NRXN1: variants seen among roughly 807,000 people sequenced by gnomAD.
NRXN1 encodes the protein neurexin 1.
NRXN1 carries 39 observed loss-of-function variants against 150.9 expected under a neutral mutation model. That is an observed-to-expected ratio of 0.26 (90% CI 0.20 to 0.34). The LOEUF (loss-of-function observed/expected upper bound fraction) is 0.34. Ranked by LOEUF, NRXN1 falls within the 10% of genes least tolerant of loss-of-function variation. The probability of loss-of-function intolerance (pLI) is 1.00; values close to 1 mark genes in which losing one functional copy is unlikely to be tolerated. For synonymous variants in NRXN1, 924 were observed against 757.0 expected, an observed-to-expected ratio of 1.22 and a Z score of -3.62; for missense variants, 1,815 against 1,949.9, an observed-to-expected ratio of 0.93 and a Z score of 1.30.
At chr2:50,274,326 C>A (rs948616017) in intron 17 of NRXN1, among the ~76,000 whole-genome samples, 1 of 152,112 alleles carries the variant, frequency 6.6e-6, no homozygotes, top group African/African-American at 2.4e-5. Context: ...TGTTCTCACT[C>A]TTAAGTGGGA....
chr2:49,934,995 A>T (rs577322078), intron 22 of NRXN1, among the ~76,000 whole-genome samples: 1 of 152,308 alleles, frequency 6.6e-6, no homozygotes, highest in South Asian at 2.1e-4. Context: ...TAGATGCTGA[A>T]GTATCCATCA....
chr2:50,785,049 C>T (rs1019702696), intron 5 of NRXN1, among the ~76,000 whole-genome samples: 2 of 151,928 alleles, frequency 1.3e-5, no homozygotes, highest in Admixed American at 1.3e-4. Flanking sequence ...ACCCTAATCC[C>T]ACAGAATGTG....
chr2:50,651,471 T>TG (rs1390602908), intron 5 of NRXN1, among the ~76,000 whole-genome samples: 4 of 141,228 alleles, frequency 2.8e-5, no homozygotes, highest in African/African-American at 9.1e-5. Context: ...TAACATAACG[T>TG]AACATGACAT....
chr2:50,188,857 T>A (rs2061258965), intron 18 of NRXN1, among the ~76,000 whole-genome samples: 1 of 152,152 alleles, frequency 6.6e-6, no homozygotes, highest in South Asian at 2.1e-4. Context: ...CATTGAAAAG[T>A]CAGCAAACAA....
At position 50,347,054 on chromosome 2, in the gene NRXN1, C is replaced by A. The variant is rs1381494971; in HGVS notation, c.3365-110084G>T. Reference sequence around the variant, plus strand: ...GGCGGCGCGGAGTGGGCTGAGGGGCCGGCCGCCTCACCGCGCCAGGGCACC... The same window carrying A: ...GGCGGCGCGGAGTGGGCTGAGGGGCAGGCCGCCTCACCGCGCCAGGGCACC... On this transcript the variant is annotated intron_variant, in intron 17 of 22. Transcript: ENST00000401669. The surrounding 1 kb of genome is among the most constrained non-coding windows in gnomAD (Gnocchi z 4.9). 1.5e-6 allele frequency: 2 copies of A among 1,377,654 alleles called. No individual in the cohort carries two copies. Among genetic ancestry groups the A allele is most frequent in the Non-Finnish European group, 9.5e-7 (1 of 1,050,998 alleles). The allele number at this position is 1,377,654 out of a possible 1,614,324, so 85.3% of individuals were successfully genotyped here.
intron 21 of NRXN1, among the ~76,000 whole-genome samples, chr2:49,995,876 AAAAAAAAG>A (rs1284010343): frequency 1.4e-5 from 2 of 140,896 alleles, no homozygotes; most frequent in Non-Finnish European, 3.1e-5. Flanking sequence ...AAAAAAAAAA[AAAAAAAAG>A]AAAAAAGGAT....
At chr2:50,034,819 T>C (rs1689770890) in intron 21 of NRXN1, among the ~76,000 whole-genome samples, 1 of 152,122 alleles carries the variant, frequency 6.6e-6, no homozygotes, top group African/African-American at 2.4e-5. Context: ...AAATGTATTT[T>C]CTATGTTGAC....
chr2:50,538,878 A>G (rs1347381279), intron 9 of NRXN1, among the ~76,000 whole-genome samples: 1 of 152,122 alleles, frequency 6.6e-6, no homozygotes, highest in Non-Finnish European at 1.5e-5. Flanking sequence ...CTAAGTGTAC[A>G]GCCAACAAAT....
intron 17 of NRXN1, among the ~76,000 whole-genome samples, chr2:50,349,397 G>A (rs994447148): frequency 6.6e-6 from 1 of 152,108 alleles, no homozygotes; most frequent in Admixed American, 6.5e-5. Flanking sequence ...AACAAGAGTC[G>A]TGATTATTCG....
chr2:51,015,870 TA>T (rs922211815), intron 2 of NRXN1, among the ~76,000 whole-genome samples: 4 of 151,910 alleles, frequency 2.6e-5, no homozygotes, highest in African/African-American at 4.8e-5. Context: ...TGAAAAAAAC[TA>T]CTTTAAATTT....
At chr2:50,492,891 G>A (rs547172938) in intron 15 of NRXN1, among the ~76,000 whole-genome samples, 3 of 151,696 alleles carry the variant, frequency 2.0e-5, no homozygotes, top group African/African-American at 7.3e-5. Flanking sequence ...TGAAATAATG[G>A]CATCTCTATC....
intron 5 of NRXN1, among the ~76,000 whole-genome samples, chr2:50,734,772 T>C (rs2105226782): frequency 6.6e-6 from 1 of 151,464 alleles, no homozygotes; most frequent in Non-Finnish European, 1.5e-5. Context: ...AAAAAAACTC[T>C]GTGTTGGCTA....
In NRXN1 at chr2:50,712,114, C is replaced by G. The variant is rs1311048061; in HGVS notation, c.833-88499G>C. Among the ~76,000 whole-genome samples the G allele has an allele frequency of 1.1e-4, 16 of 151,958 alleles. 1 individual carries two copies. Among genetic ancestry groups the G allele is most frequent in the Admixed American group, 9.2e-4 (14 of 15,240 alleles). ...CTTACATCTAGACACATGCTAAGTG[C>G]TATATATTATGTTAAATCATTTAAT... On this transcript the variant is annotated intron_variant, in intron 5 of 22. Transcript: ENST00000401669.
chr2:50,868,102 C>T (rs1163456890), intron 5 of NRXN1, among the ~76,000 whole-genome samples: 2 of 126,860 alleles, frequency 1.6e-5, no homozygotes, highest in East Asian at 5.3e-4. Context: ...AGTTAATCAA[C>T]CTATGTGTCC....
rs1670896275 is a variant in NRXN1, at chr2:51,028,123, C to G, written c.151G>C (p.Glu51Gln). ...TTGAGCTGGAAGCTCATCTCGCTCTCGCAGCAGGCGTTCCACTTGGGGAAG... is the reference window on the plus strand; with the variant it reads ...TTGAGCTGGAAGCTCATCTCGCTCTGGCAGCAGGCGTTCCACTTGGGGAAG... ...TRFPKWNACC[E>Q]SEMSFQLKTR... is the part of the protein sequence containing the mutation. Residue 51 changes from glutamate (E) to glutamine (Q), a missense_variant, in exon 2 of 23, where the codon GAG becomes CAG. Physicochemically the swap from Glu to Gln is conservative, Grantham distance 29. This residue lies in a region of NRXN1 where 554 missense variants were observed against 478.8 expected (regional missense o/e 1.16). Transcript: ENST00000401669. 2 of 1,568,040 alleles carry G rather than the reference C, an allele frequency of 1.3e-6. No individual in the cohort carries two copies. The highest frequency in any genetic ancestry group is 1.8e-5 in the Admixed American group (1 of 56,818).
chr2:50,026,409 T>A (rs1178182443), intron 21 of NRXN1, among the ~76,000 whole-genome samples: 1 of 152,224 alleles, frequency 6.6e-6, no homozygotes, highest in African/African-American at 2.4e-5. Context: ...ACCAAATGAA[T>A]ATCTCTTTCC....
chr2:50,990,810 C>G (rs905143722), intron 2 of NRXN1, among the ~76,000 whole-genome samples: 3 of 151,990 alleles, frequency 2.0e-5, no homozygotes, highest in Non-Finnish European at 4.4e-5. Context: ...GCTGAAGTGT[C>G]GTAGTGCTGC....
chr2:50,631,336 G>C (rs1326403581), intron 5 of NRXN1: 1 of 286,558 alleles, frequency 3.5e-6, no homozygotes, highest in Non-Finnish European at 6.8e-6. Context: ...AATTCAAAAG[G>C]AGACCCAGGA....
chr2:50,604,432 T>A (rs1676770718), intron 8 of NRXN1, among the ~76,000 whole-genome samples: 2 of 152,278 alleles, frequency 1.3e-5, no homozygotes, highest in Admixed American at 1.3e-4. Flanking sequence ...CATCCTGTCA[T>A]TACTTTATCC....
Sources: allele counts gnomAD v4.1 joint callset (sites outside exome capture counted in the v4.1 genomes callset), GRCh38; gene constraint gnomAD v4.1.1; regional missense constraint gnomAD v4.1.1; non-coding constraint Gnocchi (gnomAD v3.1); transcripts MANE v1.5; gene names NCBI Gene and HGNC (gene_info 2026-07-23, HGNC 2026-07-21).